DMD: variants seen among roughly 807,000 people sequenced by gnomAD.
DMD encodes dystrophin, also known as mutant dystrophin.
DMD carries 63 observed loss-of-function variants against 330.1 expected under a neutral mutation model. That is an observed-to-expected ratio of 0.19 (90% CI 0.16 to 0.24). DMD has a LOEUF of 0.24. Among genes scored for constraint, DMD ranks in the 10% least tolerant of loss-of-function variants. DMD has a pLI of 1.00. For missense variants in DMD, 3,344 were observed against 2,684.1 expected (o/e 1.25, Z -5.43); for synonymous variants, 1,223 against 959.8 (o/e 1.27, Z -5.07).
intron 49 of DMD, among the ~76,000 whole-genome samples, chrX:31,834,700 A>G (rs537123970): frequency 9.0e-6 from 1 of 111,720 alleles, no homozygotes; most frequent in South Asian, 3.8e-4. Flanking sequence ...TCGGCCTCGC[A>G]AAGTGCTGGG....
intron 59 of DMD, among the ~76,000 whole-genome samples, chrX:31,459,630 T>C (rs1482030607): frequency 1.8e-5 from 2 of 112,054 alleles, no homozygotes; most frequent in South Asian, 3.7e-4. Flanking sequence ...GGCAGGTTCT[T>C]AACTTTATGA....
chrX:31,289,899 T>TTTATTA (rs200740564), intron 62 of DMD, among the ~76,000 whole-genome samples: 157 of 93,560 alleles, frequency 1.7e-3, no homozygotes, highest in South Asian at 0.015. Flanking sequence ...TATTATTCTG[T>TTTATTA]TTATTATTAT....
At chrX:32,605,545 A>C (rs778653461) in intron 12 of DMD, among the ~76,000 whole-genome samples, 9 of 109,045 alleles carry the variant, frequency 8.3e-5, no homozygotes, top group African/African-American at 2.3e-4. Context: ...AATGGAACTT[A>C]ATTTTAAAAT....
Position 32,867,159 on chromosome X carries a change from T to C in DMD, c.94-17339A>G, listed in dbSNP as rs766269968. On this transcript the variant is annotated intron_variant, in intron 2 of 78. Coordinates refer to ENST00000357033, the MANE Select transcript of DMD (RefSeq NM_004006.3). ...CCCAATATGTTCATTTGACGTTCAA[T>C]TGGAGAAGTTAAAAAAAAAAAAAAG... Among the ~76,000 whole-genome samples, 39 of 81,053 alleles carry C rather than the reference T, an allele frequency of 4.8e-4. No individual in the cohort carries two copies. The South Asian group carries it at 8.1e-3, about 17-fold the overall frequency. 70.4% of individuals were successfully genotyped at this position (81,053 alleles called of 115,157 possible).
At chrX:32,842,539 C>G (rs1407249395) in intron 4 of DMD, among the ~76,000 whole-genome samples, 1 of 111,437 alleles carries the variant, frequency 9.0e-6, no homozygotes, top group Non-Finnish European at 1.9e-5. Flanking sequence ...AAGTAAGACC[C>G]CCCCCATACA....
At chrX:31,832,395 A>C (rs756437680) in intron 49 of DMD, among the ~76,000 whole-genome samples, 116 of 111,811 alleles carry the variant, frequency 1.0e-3, no homozygotes, top group Non-Finnish European at 1.2e-3. Flanking sequence ...AGAAAAAAAA[A>C]CAGCTTCATC....
Position 31,566,407 on chromosome X carries a change from T to C in DMD, c.8218-58954A>G, listed in dbSNP as rs1210942449. On this transcript the variant is annotated intron_variant, in intron 55 of 78. Transcript: ENST00000357033. ...CTTTATCAAAAATCTGTTGGGCACA[T>C]TTGCATGGGTCTGTTTTTGGGTTCT... Among the ~76,000 whole-genome samples, 3 of 111,755 alleles carry C rather than the reference T, an allele frequency of 2.7e-5. No homozygotes were observed. In the East Asian group the frequency reaches 8.4e-4, roughly 31 times the overall value.
At chrX:32,703,244 T>G (rs984382527) in intron 7 of DMD, among the ~76,000 whole-genome samples, 12 of 112,035 alleles carry the variant, frequency 1.1e-4, no homozygotes, top group Non-Finnish European at 2.1e-4. Flanking sequence ...TTTCAGAGAC[T>G]GTGGTTGACC....
At chrX:32,526,208 T>A (rs2046919870) in intron 17 of DMD, among the ~76,000 whole-genome samples, 1 of 112,138 alleles carries the variant, frequency 8.9e-6, no homozygotes, top group Non-Finnish European at 1.9e-5. Flanking sequence ...AATAAAAAAA[T>A]AACTTCTCAT....
At chrX:31,380,022 C>T (rs1023108047) in intron 60 of DMD, among the ~76,000 whole-genome samples, 4 of 111,222 alleles carry the variant, frequency 3.6e-5, no homozygotes, top group Admixed American at 9.5e-5. Flanking sequence ...TCACAGATGC[C>T]GATCTTCAGG....
intron 44 of DMD, among the ~76,000 whole-genome samples, chrX:32,068,319 T>C (rs1415504152): frequency 9.1e-6 from 1 of 110,421 alleles, no homozygotes; most frequent in Non-Finnish European, 1.9e-5. Context: ...TTTACTCTGT[T>C]GATCATTTAT....
At chrX:33,049,291 G>A (rs970903484) in intron 1 of DMD, among the ~76,000 whole-genome samples, 3 of 111,451 alleles carry the variant, frequency 2.7e-5, no homozygotes, top group Non-Finnish European at 3.8e-5. Flanking sequence ...ATCCCTCGAC[G>A]TGCACCACTC....
At chrX:32,458,195 C>T (rs757692085) in intron 25 of DMD, among the ~76,000 whole-genome samples, 2 of 110,861 alleles carry the variant, frequency 1.8e-5, no homozygotes, top group Non-Finnish European at 3.8e-5. Flanking sequence ...GCGATCTGAT[C>T]TCAGAGCTTC....
At chrX:33,133,230 A>G (rs2148548331) in intron 1 of DMD, among the ~76,000 whole-genome samples, 1 of 111,606 alleles carries the variant, frequency 9.0e-6, no homozygotes, top group African/African-American at 3.3e-5. Flanking sequence ...ACCTATATGT[A>G]GTAGTACAAA....
chrX:31,690,531 T>G (rs2083043105), intron 52 of DMD, among the ~76,000 whole-genome samples: 1 of 112,139 alleles, frequency 8.9e-6, no homozygotes, highest in Admixed American at 9.4e-5. Context: ...GACTGTAAAC[T>G]AGTTCAACCA....
chrX:32,621,867 G>T (rs1390519888), intron 11 of DMD, among the ~76,000 whole-genome samples: 3 of 111,408 alleles, frequency 2.7e-5, no homozygotes, highest in Non-Finnish European at 1.9e-5. Flanking sequence ...CTTGCTAGAA[G>T]TGCAAATTCA....
chrX:32,146,751 G>A (rs975477595), intron 44 of DMD, among the ~76,000 whole-genome samples: 2 of 112,132 alleles, frequency 1.8e-5, no homozygotes, highest in African/African-American at 6.5e-5. Context: ...CCCTCTATGT[G>A]TCTAAACGCA....
chrX:31,137,751 T>C (rs1489578529), intron 76 of DMD, among the ~76,000 whole-genome samples: 2 of 110,622 alleles, frequency 1.8e-5, no homozygotes, highest in Non-Finnish European at 3.8e-5. Context: ...TATAGGTATC[T>C]TGAGTGGTGA....
In DMD at chrX:33,108,886, A is replaced by G. The variant is rs765410480; in HGVS notation, c.32-88686T>C. Among the ~76,000 whole-genome samples, 160 of 102,284 alleles carry G rather than the reference A, an allele frequency of 1.6e-3. 8 individuals carry two copies. In the South Asian group the frequency reaches 0.026, roughly 16 times the overall value. The allele number at this position is 102,284 out of a possible 115,157, so 88.8% of individuals were successfully genotyped here. ...CGTTTCGGAAAAAAAAAAAAAAAGA[A>G]GAAGAGAGAGAAGTGATTTAAACCT... On this transcript the variant is annotated intron_variant, in intron 1 of 78. Transcript: ENST00000357033.
Sources: allele counts gnomAD v4.1 joint callset (sites outside exome capture counted in the v4.1 genomes callset), GRCh38; gene constraint gnomAD v4.1.1; transcripts MANE v1.5; gene names NCBI Gene and HGNC (gene_info 2026-07-23, HGNC 2026-07-21).